Variants in EPHA3 observed in about 807,000 individuals in gnomAD.
The protein encoded by EPHA3 is ephrin type-A receptor 3.
EPHA3 carries 42 observed loss-of-function variants against 107.1 expected under a neutral mutation model. The ratio of observed to expected loss-of-function variants is 0.39; its 90% CI spans 0.31 to 0.51. The LOEUF (loss-of-function observed/expected upper bound fraction) is 0.51, where lower values mean the gene tolerates loss of function less well. Ranked by LOEUF, EPHA3 falls within the 20% of genes least tolerant of loss-of-function variation. The probability of loss-of-function intolerance (pLI) is 0.78; values close to 1 mark genes in which losing one functional copy is unlikely to be tolerated. For missense variants in EPHA3, 1,183 were observed against 1,211.2 expected (o/e 0.98, Z 0.35); for synonymous variants, 461 against 424.8 (o/e 1.09, Z -1.05).
At chr3:89,212,109 G>C (rs182363760) in intron 3 of EPHA3, among the ~76,000 whole-genome samples, 20 of 151,866 alleles carry the variant, frequency 1.3e-4, no homozygotes, top group Non-Finnish European at 2.4e-4. Context: ...ATAAAAATTA[G>C]TAAGGAAGGT....
intron 5 of EPHA3, among the ~76,000 whole-genome samples, chr3:89,353,327 A>G (rs1707873338): frequency 6.6e-6 from 1 of 151,414 alleles, no homozygotes; most frequent in Admixed American, 6.6e-5. Context: ...CGAATCGGAA[A>G]CTGTAAACAT....
intron 5 of EPHA3, among the ~76,000 whole-genome samples, chr3:89,348,006 A>T (rs1707714397): frequency 1.3e-5 from 2 of 150,670 alleles, no homozygotes; most frequent in Admixed American, 6.7e-5. Context: ...GTGCTGCTGG[A>T]TTCGATTTGC....
intron 2 of EPHA3, among the ~76,000 whole-genome samples, chr3:89,129,475 A>G (rs1704156765): frequency 6.6e-6 from 1 of 152,166 alleles, no homozygotes; most frequent in African/African-American, 2.4e-5. Flanking sequence ...AAAGAATAAA[A>G]TCAAATGATG....
chr3:89,314,943 T>G (rs377678980), intron 3 of EPHA3, among the ~76,000 whole-genome samples: 2 of 151,932 alleles, frequency 1.3e-5, no homozygotes, highest in East Asian at 3.9e-4. Flanking sequence ...TACCACATAC[T>G]TTGGCTTTAT....
intron 2 of EPHA3, among the ~76,000 whole-genome samples, chr3:89,191,376 G>T (rs1182438136): frequency 1.3e-5 from 2 of 151,344 alleles, no homozygotes; most frequent in African/African-American, 4.9e-5. Flanking sequence ...GCACGATCTC[G>T]GCTCACTGCA....
At position 89,138,458 on chromosome 3, in the gene EPHA3, A is replaced by G. The variant is rs76333838; in HGVS notation, c.153+11185A>G. Among the ~76,000 whole-genome samples, 1,905 of 152,052 alleles carry G rather than the reference A, an allele frequency of 0.013. 46 individuals are homozygous for G. The East Asian group carries it at 0.13, about 10-fold the overall frequency. On this transcript the variant is annotated intron_variant, in intron 2 of 16. Coordinates refer to ENST00000336596, the MANE Select transcript of EPHA3 (RefSeq NM_005233.6). The stretch of plus-strand genomic sequence containing the variant: ...ATGAATTAAGTGATAGGAAAATGGG[A>G]ATACAGAATTGGAAAGTCCCTGTCA...
intron 2 of EPHA3, among the ~76,000 whole-genome samples, chr3:89,161,114 A>G (rs1434188071): frequency 1.3e-5 from 2 of 152,144 alleles, no homozygotes; most frequent in East Asian, 1.9e-4. Context: ...TGGTAAGACA[A>G]TTAGAGTGAA....
At chr3:89,264,462 G>A (rs559141950) in intron 3 of EPHA3, among the ~76,000 whole-genome samples, 186 of 152,048 alleles carry the variant, frequency 1.2e-3, no homozygotes, top group Non-Finnish European at 1.4e-3. Context: ...TACCTCCCTC[G>A]TACCCCTTGC....
intron 2 of EPHA3, among the ~76,000 whole-genome samples, chr3:89,145,119 G>A (rs1391377815): frequency 6.6e-6 from 1 of 151,674 alleles, no homozygotes; most frequent in Non-Finnish European, 1.5e-5. Flanking sequence ...TCTTGATAGA[G>A]GAGGGGAGAC....
At chr3:89,363,146 C>T (rs1708125907) in intron 5 of EPHA3, among the ~76,000 whole-genome samples, 1 of 150,812 alleles carries the variant, frequency 6.6e-6, no homozygotes, top group Non-Finnish European at 1.5e-5. Flanking sequence ...AATGAAGTTT[C>T]TCCAGAGAAG....
At chr3:89,291,855 C>T (rs188704683) in intron 3 of EPHA3, among the ~76,000 whole-genome samples, 11 of 152,284 alleles carry the variant, frequency 7.2e-5, no homozygotes, top group African/African-American at 2.4e-4. Context: ...CTTCAACAAA[C>T]TTGTAATCTA....
chr3:89,419,812 C>A (rs890273895), intron 11 of EPHA3, among the ~76,000 whole-genome samples: 5 of 151,334 alleles, frequency 3.3e-5, no homozygotes, highest in African/African-American at 1.2e-4. Context: ...CTCCTCCCAC[C>A]CCCTGCATCC....
chr3:89,307,239 A>G (rs995610757), intron 3 of EPHA3, among the ~76,000 whole-genome samples: 4 of 152,184 alleles, frequency 2.6e-5, no homozygotes, highest in Non-Finnish European at 5.9e-5. Context: ...CAAGAAGGAA[A>G]CATAAACTTC....
chr3:89,384,001 T>G (rs1322937950), intron 5 of EPHA3, among the ~76,000 whole-genome samples: 1 of 152,086 alleles, frequency 6.6e-6, no homozygotes, highest in African/African-American at 2.4e-5. Context: ...AGCTTGATTT[T>G]ATAGAATCAT....
chr3:89,410,642 A>C (rs1709141125), intron 9 of EPHA3, among the ~76,000 whole-genome samples: 1 of 152,006 alleles, frequency 6.6e-6, no homozygotes, highest in Non-Finnish European at 1.5e-5. Flanking sequence ...GGAAGATCAC[A>C]CATTATAGGG....
chr3:89,248,163 G>A (rs911183150), intron 3 of EPHA3, among the ~76,000 whole-genome samples: 3 of 152,048 alleles, frequency 2.0e-5, no homozygotes, highest in Non-Finnish European at 2.9e-5. Flanking sequence ...AACATCTACT[G>A]CCTGCACTTT....
intron 3 of EPHA3, among the ~76,000 whole-genome samples, chr3:89,220,198 T>G (rs1399371942): frequency 6.6e-6 from 1 of 152,154 alleles, no homozygotes; most frequent in Non-Finnish European, 1.5e-5. Flanking sequence ...TCATTGTCCT[T>G]TACAGATATG....
intron 5 of EPHA3, among the ~76,000 whole-genome samples, chr3:89,380,971 G>GTTTTTTTTTTTT (rs1373969030): frequency 2.6e-5 from 4 of 151,330 alleles, no homozygotes; most frequent in African/African-American, 9.8e-5. Context: ...GCTATAGGCT[G>GTTTTTTTTTTTT]TTTGTTTGTT....
intron 6 of EPHA3, among the ~76,000 whole-genome samples, chr3:89,398,189 C>G (rs982083756): frequency 6.6e-6 from 1 of 152,076 alleles, no homozygotes; most frequent in South Asian, 2.1e-4. Flanking sequence ...TATTCAATCT[C>G]GTTTTGGTTG....
Sources: gnomAD v4.1 joint callset for allele counts (sites outside exome capture counted in the v4.1 genomes callset) on GRCh38, gnomAD v4.1.1 for gene constraint, MANE v1.5 for transcripts, NCBI Gene and HGNC (gene_info 2026-07-23, HGNC 2026-07-21) for gene names.